RRBP1: variants seen among roughly 807,000 people sequenced by gnomAD.
RRBP1 encodes ribosome binding protein 1, also known as ribosome-binding protein 1.
In RRBP1, 94 loss-of-function variants were observed where a neutral mutation model predicts 165.2. The ratio of observed to expected loss-of-function variants is 0.57; its 90% CI spans 0.48 to 0.68. The LOEUF is 0.68. RRBP1 is among the 30% of genes least tolerant of loss of function. The pLI is 0.00. For synonymous variants in RRBP1, 680 were observed against 714.5 expected (o/e 0.95, Z 0.77); for missense variants, 1,676 against 1,763.0 (o/e 0.95, Z 0.88).
chr20:17,675,327 G>A (rs982666948), intron 2 of RRBP1, among the ~76,000 whole-genome samples: 4 of 152,196 alleles, frequency 2.6e-5, no homozygotes, highest in African/African-American at 7.2e-5. Context: ...TGATATACTC[G>A]CAGAACGCCA....
chr20:17,627,608 G>A lies in RRBP1; in HGVS notation c.2824C>T (p.Gln942Ter). 6.2e-7 allele frequency: 1 copy of A among 1,613,452 alleles called. No homozygotes were observed. Among genetic ancestry groups the A allele is most frequent in the South Asian group, 1.1e-5 (1 of 91,022 alleles). Reference sequence around the variant, plus strand: ...TTCTCCGCCCTGGCCTCCTGGAGCTGCCCGTGGAGGCCACTCAGCTCCTCG... The same window carrying A: ...TTCTCCGCCCTGGCCTCCTGGAGCTACCCGTGGAGGCCACTCAGCTCCTCG... The part of the protein sequence containing the change: ...KCEELSGLHG[Q>*]LQEARAENSQ... The change falls in exon 10 of 25, where the codon CAG becomes TAG. Residue 942 changes from glutamine to a stop codon, truncating the protein, a stop_gained. Coordinates refer to ENST00000377813, the MANE Select transcript of RRBP1 (RefSeq NM_001365613.2). LOFTEE classifies it high-confidence loss of function.
intron 2 of RRBP1, among the ~76,000 whole-genome samples, chr20:17,673,055 G>A (rs73599763): frequency 0.015 from 2,332 of 152,266 alleles, 87 homozygotes; most frequent in East Asian, 0.073. Context: ...TGGTTAAACA[G>A]GCATGTTTAG....
intron 5 of RRBP1, 146 bp downstream of exon 5, chr20:17,641,651 G>T: frequency 1.0e-6 from 1 of 979,606 alleles, no homozygotes; most frequent in South Asian, 1.4e-5. Context: ...CAGCAGATAA[G>T]CAGCAGTCCC....
chr20:17,671,820 G>C (rs893298643), intron 2 of RRBP1, among the ~76,000 whole-genome samples: 1 of 152,180 alleles, frequency 6.6e-6, no homozygotes, highest in Non-Finnish European at 1.5e-5. Flanking sequence ...TTCCATTCTA[G>C]GCTTGTCAGA....
At chr20:17,642,950 GAGC>G (rs1568771127) in intron 4 of RRBP1, 26 bp downstream of exon 4, 3 of 1,609,260 alleles carry the variant, frequency 1.9e-6, no homozygotes, top group Non-Finnish European at 8.5e-7. Flanking sequence ...AGTGGCCTCT[GAGC>G]ATGGCCAGCA....
At chr20:17,628,484 G>A (rs2036077127) in intron 9 of RRBP1, among the ~76,000 whole-genome samples, 1 of 152,158 alleles carries the variant, frequency 6.6e-6, no homozygotes, top group African/African-American at 2.4e-5. Flanking sequence ...GTCTCCATGG[G>A]CCACTCGTGC....
chr20:17,628,414 C>T (rs1354375239), intron 9 of RRBP1, among the ~76,000 whole-genome samples: 1 of 152,218 alleles, frequency 6.6e-6, no homozygotes, highest in African/African-American at 2.4e-5. Context: ...AGCACCTCTG[C>T]GGCCACCTGG....
In RRBP1 at chr20:17,659,031, C is replaced by T. The variant is rs773330747; in HGVS notation, c.1477G>A (p.Glu493Lys). 2.1e-5 allele frequency: 33 copies of T among 1,572,364 alleles called. No individual in the cohort carries two copies. The highest frequency in any genetic ancestry group is 8.1e-5 in the African/African-American group (6 of 73,990). ...EGAQNQGKKA[E>K]GAQNQGKKAE... ...TTTTTGCCCTGGTTCTGAGCCCCCT[C>T]GGCCTTCTTGCCCTGGTTCTGGGCC... The change falls in exon 3 of 25, where the codon GAG becomes AAG. Residue 493 changes from glutamate (E) to lysine (K), a missense_variant. Glu to Lys is a moderately conservative substitution (Grantham distance 56, BLOSUM62 1). Coordinates refer to ENST00000377813, the MANE Select transcript of RRBP1 (RefSeq NM_001365613.2).
intron 3 of RRBP1, among the ~76,000 whole-genome samples, chr20:17,652,039 A>G (rs1188004257): frequency 6.6e-6 from 1 of 152,218 alleles, no homozygotes; most frequent in Admixed American, 6.5e-5. Flanking sequence ...AAGCACTTCA[A>G]GTCTCTGGTG....
chr20:17,677,544 C>G (rs1481854255), intron 2 of RRBP1, among the ~76,000 whole-genome samples: 1 of 152,132 alleles, frequency 6.6e-6, no homozygotes, highest in African/African-American at 2.4e-5. Context: ...ATGATCCTTT[C>G]GAAGTTATAT....
At chr20:17,636,479 T>TC (rs2036250590) in intron 6 of RRBP1, 98 bp downstream of exon 6, 1 of 1,427,878 alleles carries the variant, frequency 7.0e-7, no homozygotes, top group African/African-American at 1.4e-5. Context: ...CTCAACCCCC[T>TC]CCTCATGCCT....
chr20:17,627,080 G>A (rs533128511), intron 11 of RRBP1, among the ~76,000 whole-genome samples: 7 of 152,314 alleles, frequency 4.6e-5, no homozygotes, highest in African/African-American at 1.4e-4. Flanking sequence ...GTGGATGGAC[G>A]GACGGCAGGT....
rs755668656 is a variant in RRBP1, at chr20:17,659,941, G to A, written c.567C>T (p.Gly189=). The A allele has an allele frequency of 6.3e-7, 1 of 1,586,244 alleles. No homozygotes were observed. Among genetic ancestry groups the A allele is most frequent in the African/African-American group, 1.3e-5 (1 of 74,438 alleles). ...MVVVPPVGAK[G]NTPATGTTQG... is the part of the protein sequence containing the mutation. ...GAGTAGTGCCAGTGGCTGGTGTGTT[G>A]CCCTTGGCACCCACTGGGGGCACCA... Residue 189 remains glycine, a synonymous_variant, in exon 3 of 25, where the codon GGC becomes GGT. Coordinates refer to ENST00000377813, the MANE Select transcript of RRBP1 (RefSeq NM_001365613.2).
At chr20:17,663,789 G>C (rs566923523) in intron 2 of RRBP1, among the ~76,000 whole-genome samples, 1 of 152,248 alleles carries the variant, frequency 6.6e-6, no homozygotes, top group South Asian at 2.1e-4. Flanking sequence ...CATGATAAGA[G>C]GCCCCCAACA....
chr20:17,627,977 A>G (rs1289222418), intron 9 of RRBP1, among the ~76,000 whole-genome samples: 1 of 152,176 alleles, frequency 6.6e-6, no homozygotes, highest in Non-Finnish European at 1.5e-5. Flanking sequence ...TGAGGCTTTT[A>G]AAGATTCATC....
Position 17,643,379 on chromosome 20 carries a change from G to A in RRBP1, c.1913-252C>T, listed in dbSNP as rs1273148680. Among the ~76,000 whole-genome samples, 8 of 151,988 alleles carry A rather than the reference G, an allele frequency of 5.3e-5. No individual in the cohort carries two copies. The highest frequency in any genetic ancestry group is 1.0e-4 in the Non-Finnish European group (7 of 67,968). On this transcript the variant is annotated intron_variant, in intron 3 of 24. Transcript: ENST00000377813. The surrounding 1 kb of genome is among the most constrained non-coding windows in gnomAD (Gnocchi z 4.3). ...TAGGAAGTCCCAGCCTGGGGTGGAA[G>A]TAGAGCTCCTCTTTTTTTTTTTCCA...
intron 3 of RRBP1, among the ~76,000 whole-genome samples, chr20:17,650,744 G>T (rs1437586232): frequency 6.6e-6 from 1 of 152,216 alleles, no homozygotes; most frequent in Non-Finnish European, 1.5e-5. Flanking sequence ...CACACTGTAG[G>T]ATCCAGACTT....
Position 17,615,668 on chromosome 20 carries a change from G to C in RRBP1, c.3952-139C>G, listed in dbSNP as rs1340151405. The C allele has an allele frequency of 1.2e-5, 8 of 674,542 alleles. No individual in the cohort carries two copies. The East Asian group carries it at 2.3e-4, about 19-fold the overall frequency. 41.8% of individuals were successfully genotyped at this position (674,542 alleles called of 1,614,324 possible). Reference sequence around the variant, plus strand: ...CAGCTCCATCCTGTAGCTGGAATGAGTGGGCCAGACCCACAAGTTCTGACC... The same window carrying C: ...CAGCTCCATCCTGTAGCTGGAATGACTGGGCCAGACCCACAAGTTCTGACC... On this transcript the variant is annotated intron_variant, in intron 22 of 24. Transcript: ENST00000377813.
chr20:17,647,523 G>A (rs2036485513), intron 3 of RRBP1, among the ~76,000 whole-genome samples: 1 of 152,214 alleles, frequency 6.6e-6, no homozygotes. Context: ...GGATGCCCAG[G>A]GGGATGCGGC....
Sources: allele counts gnomAD v4.1 joint callset (sites outside exome capture counted in the v4.1 genomes callset), GRCh38; gene constraint gnomAD v4.1.1; non-coding constraint Gnocchi (gnomAD v3.1); transcripts MANE v1.5; gene names NCBI Gene and HGNC (gene_info 2026-07-23, HGNC 2026-07-21).